The following SLC6A20 variants were observed in gnomAD, a reference collection of about 807,000 sequenced individuals.
SLC6A20 encodes the protein sodium- and chloride-dependent transporter XTRP3.
SLC6A20 carries 73 observed loss-of-function variants against 64.3 expected under a neutral mutation model. That is an observed-to-expected ratio of 1.14 (90% confidence interval 0.94 to 1.38). The LOEUF is 1.38. SLC6A20 is among the 40% of genes most tolerant of loss of function. SLC6A20 has a pLI of 0.00. For synonymous variants in SLC6A20, 347 were observed against 329.6 expected (o/e 1.05, Z -0.57); for missense variants, 725 against 772.8 (o/e 0.94, Z 0.73).
chr3:45,791,227 T>C (rs903255984), intron 1 of SLC6A20, among the ~76,000 whole-genome samples: 8 of 152,212 alleles, frequency 5.3e-5, no homozygotes, highest in African/African-American at 1.9e-4. Flanking sequence ...GAATATTTAC[T>C]GAATGACTTA....
chr3:45,778,842 C>A (rs975548823), intron 3 of SLC6A20, among the ~76,000 whole-genome samples: 12 of 152,080 alleles, frequency 7.9e-5, no homozygotes, highest in African/African-American at 2.7e-4. Context: ...GGCCAGTGTT[C>A]ATGAAACTCT....
chr3:45,784,823 A>G (rs1700146054), intron 1 of SLC6A20, among the ~76,000 whole-genome samples: 1 of 152,188 alleles, frequency 6.6e-6, no homozygotes, highest in Non-Finnish European at 1.5e-5. Context: ...TGGTGCTAGT[A>G]TCTGGAGAGG....
At chr3:45,781,285 T>TG (rs1700080807) in intron 2 of SLC6A20, among the ~76,000 whole-genome samples, 1 of 152,072 alleles carries the variant, frequency 6.6e-6, no homozygotes, top group African/African-American at 2.4e-5. Flanking sequence ...AGATGATTTG[T>TG]GAGAACACTG....
At chr3:45,781,947 G>C in intron 2 of SLC6A20, 136 bp downstream of exon 2, 1 of 1,229,084 alleles carries the variant, frequency 8.1e-7, no homozygotes. Flanking sequence ...CAGGCCATTT[G>C]TTCACCCCAG....
chr3:45,756,521 A>AGAT lies in SLC6A20; in HGVS notation c.*2454_*2456dup, dbSNP rs1209388850. On this transcript the variant is annotated 3_prime_UTR_variant, in exon 11 of 11. Transcript: ENST00000358525. ...AACTGGACAATCAGGTGAAGCTGGA[A>AGAT]GATGAGATGGTTGCTGAAGACAGTA... 3 of 152,250 alleles carry AGAT rather than the reference A, an allele frequency of 2.0e-5. No homozygotes were observed. The highest frequency in any genetic ancestry group is 7.2e-5 in the African/African-American group (3 of 41,464). The allele number at this position is 152,250 out of a possible 1,614,324, so 9.4% of individuals were successfully genotyped here.
chr3:45,771,683 G>A, intron 5 of SLC6A20: 1 of 651,386 alleles, frequency 1.5e-6, no homozygotes, highest in Non-Finnish European at 2.6e-6. Context: ...GTGCTGTGGA[G>A]AATACAGGTG....
chr3:45,782,274 C>T (rs1700105664), intron 1 of SLC6A20, 51 bp from the exon 2 acceptor site: 4 of 1,572,164 alleles, frequency 2.5e-6, no homozygotes, highest in Non-Finnish European at 2.6e-6. Flanking sequence ...GGCTTTTCTC[C>T]ACGACCACTC....
intron 9 of SLC6A20, among the ~76,000 whole-genome samples, chr3:45,760,994 C>G (rs553962334): frequency 1.3e-5 from 2 of 152,300 alleles, no homozygotes; most frequent in African/African-American, 4.8e-5. Context: ...GTGGGTGTGA[C>G]GTCACCAGCT....
chr3:45,772,284 A>T (rs527882013), intron 5 of SLC6A20: 1 of 508,234 alleles, frequency 2.0e-6, no homozygotes, highest in East Asian at 3.5e-5. Context: ...TGAAAGAAAG[A>T]CTTAATGCTC....
intron 1 of SLC6A20, among the ~76,000 whole-genome samples, chr3:45,791,395 AT>A (rs1352688059): frequency 1.3e-5 from 2 of 152,264 alleles, no homozygotes; most frequent in Admixed American, 6.5e-5. Flanking sequence ...AAGCATCAGT[AT>A]TTTTTAAAGC....
At chr3:45,761,890 G>A (rs541252243) in intron 9 of SLC6A20, among the ~76,000 whole-genome samples, 3 of 152,294 alleles carry the variant, frequency 2.0e-5, no homozygotes, top group East Asian at 3.9e-4. Context: ...AGCATGGCAC[G>A]GGACCCTGGC....
chr3:45,760,785 A>G (rs1699663135), intron 9 of SLC6A20, among the ~76,000 whole-genome samples: 1 of 152,256 alleles, frequency 6.6e-6, no homozygotes, highest in Admixed American at 6.5e-5. Context: ...TATCTTTGGC[A>G]TTTTGGGAGA....
chr3:45,795,313 A>C (rs1700326950), intron 1 of SLC6A20, among the ~76,000 whole-genome samples: 1 of 138,654 alleles, frequency 7.2e-6, no homozygotes, highest in Non-Finnish European at 1.5e-5. Flanking sequence ...CACTTAATAC[A>C]GGATACGAGA....
At position 45,765,822 on chromosome 3, in the gene SLC6A20, G is replaced by A; in HGVS notation, c.1099-81C>T. The A allele has an allele frequency of 1.3e-6, 2 of 1,498,814 alleles. No homozygotes were observed. The highest frequency in any genetic ancestry group is 9.2e-7 in the Non-Finnish European group (1 of 1,089,634). 92.8% of individuals were successfully genotyped at this position (1,498,814 alleles called of 1,614,324 possible). A position where few individuals can be genotyped will look rare whatever the true frequency, so the allele number is the denominator to read the frequency against. ...ACGCACTCAGTACTAAGCAACATGG[G>A]GGACCTTGGAAGTGGCCATGAGAAG... On this transcript the variant is annotated intron_variant, in intron 7 of 10. Coordinates refer to ENST00000358525, the MANE Select transcript of SLC6A20 (RefSeq NM_020208.4). The surrounding 1 kb of genome is among the most constrained non-coding windows in gnomAD (Gnocchi z 4.2).
chr3:45,773,024 AG>A (rs1354636520), intron 4 of SLC6A20, among the ~76,000 whole-genome samples: 1 of 152,228 alleles, frequency 6.6e-6, no homozygotes, highest in Non-Finnish European at 1.5e-5. Flanking sequence ...ATGAGCCCAC[AG>A]GAAAAAGCAG....
chr3:45,771,703 G>A, intron 5 of SLC6A20: 4 of 610,550 alleles, frequency 6.6e-6, no homozygotes, highest in Non-Finnish European at 8.5e-6. Context: ...GCTATGTGGA[G>A]GACATAAGGT....
At chr3:45,784,438 T>A (rs997447854) in intron 1 of SLC6A20, among the ~76,000 whole-genome samples, 1 of 152,214 alleles carries the variant, frequency 6.6e-6, no homozygotes, top group Admixed American at 6.5e-5. Context: ...GAACTTGAGT[T>A]TGAGGCAAAG....
chr3:45,759,536 T>C (rs1699624290), intron 10 of SLC6A20, among the ~76,000 whole-genome samples: 1 of 152,232 alleles, frequency 6.6e-6, no homozygotes, highest in Admixed American at 6.5e-5. Context: ...TCTGCTGCGG[T>C]AGGCGCGGAG....
intron 10 of SLC6A20, among the ~76,000 whole-genome samples, chr3:45,759,577 G>C (rs898910427): frequency 6.6e-6 from 1 of 152,232 alleles, no homozygotes; most frequent in Non-Finnish European, 1.5e-5. Context: ...AGGAGCTGGC[G>C]CCTTTGCAGC....
Sources: gnomAD v4.1 joint callset for allele counts (sites outside exome capture counted in the v4.1 genomes callset) on GRCh38, gnomAD v4.1.1 for gene constraint, Gnocchi (gnomAD v3.1) non-coding constraint, MANE v1.5 for transcripts, NCBI Gene and HGNC (gene_info 2026-07-23, HGNC 2026-07-21) for gene names.